SUPT3H: variants seen among roughly 807,000 people sequenced by gnomAD.
SUPT3H encodes the protein transcription initiation protein SPT3 homolog.
A neutral mutation model predicts 44.3 loss-of-function variants in SUPT3H; 44 were observed. The observed-to-expected ratio is 0.99, with a 90% CI of 0.78 to 1.28. The LOEUF (loss-of-function observed/expected upper bound fraction) is 1.28. Ranked by LOEUF, SUPT3H falls within the 50% of genes most tolerant of loss-of-function variation. The pLI is 0.00. For synonymous variants in SUPT3H, 124 were observed against 125.6 expected (o/e 0.99, Z 0.09); for missense variants, 380 against 387.1 (o/e 0.98, Z 0.15).
rs562542304 is a variant in SUPT3H at position 45,183,047 on chromosome 6, A to C, written c.102-77041T>G. ...AATGTTCACTGCAGCATTATTCACA[A>C]TAAATAGCCAAAAGGTGGCAACAAC... On this transcript the variant is annotated intron_variant, in intron 2 of 10. Transcript: ENST00000371459. Among the ~76,000 whole-genome samples, 10 of 152,358 alleles carry C rather than the reference A, an allele frequency of 6.6e-5. No homozygotes were observed. The South Asian group carries it at 1.9e-3, about 28-fold the overall frequency.
At chr6:45,215,347 GA>G (rs1229003994) in intron 2 of SUPT3H, among the ~76,000 whole-genome samples, 2 of 151,986 alleles carry the variant, frequency 1.3e-5, no homozygotes, top group Non-Finnish European at 2.9e-5. Flanking sequence ...AGACCCTAAT[GA>G]AAAAGATAAC....
rs1221521680 is a variant in SUPT3H, at chr6:44,975,726, GA to G, written c.505-13899del. On this transcript the variant is annotated intron_variant, in intron 6 of 10. Coordinates refer to ENST00000371459, the MANE Select transcript of SUPT3H (RefSeq NM_003599.4). ...CCACCTGTTCCTCAAACACTATTGG[GA>G]AAAAAATTGAAATGTCAATATACTT... Among the ~76,000 whole-genome samples, 3 of 151,786 alleles carry G rather than the reference GA, an allele frequency of 2.0e-5. No individual in the cohort carries two copies. In the South Asian group the frequency reaches 6.2e-4, roughly 32 times the overall value.
chr6:45,110,572 A>ATT (rs759437070), intron 2 of SUPT3H, among the ~76,000 whole-genome samples: 3,085 of 133,682 alleles, frequency 0.023, 58 homozygotes, highest in South Asian at 0.096. Flanking sequence ...CTTTTTTTAA[A>ATT]AAAAAAAAAG....
At chr6:45,054,849 G>A (rs928901704) in intron 3 of SUPT3H, among the ~76,000 whole-genome samples, 1 of 152,074 alleles carries the variant, frequency 6.6e-6, no homozygotes, top group African/African-American at 2.4e-5. Context: ...CTTTGAATGT[G>A]TGCCCTAATA....
At chr6:45,251,201 T>C (rs1331132875) in intron 2 of SUPT3H, 2 of 152,150 alleles carry the variant, frequency 1.3e-5, no homozygotes, top group Non-Finnish European at 2.9e-5. Flanking sequence ...ATAAAACCTA[T>C]TGTCAAATAA....
intron 2 of SUPT3H, among the ~76,000 whole-genome samples, chr6:45,171,122 G>C (rs932512355): frequency 2.0e-5 from 3 of 152,108 alleles, no homozygotes; most frequent in African/African-American, 7.2e-5. Flanking sequence ...TTAGCTACTG[G>C]TGTATTTTAA....
At chr6:45,271,945 T>C (rs1160023747) in intron 2 of SUPT3H, among the ~76,000 whole-genome samples, 1 of 152,194 alleles carries the variant, frequency 6.6e-6, no homozygotes, top group Non-Finnish European at 1.5e-5. Flanking sequence ...GCATTAAGAT[T>C]TGATGGCCCC....
intron 10 of SUPT3H, among the ~76,000 whole-genome samples, chr6:44,906,803 ATTGTT>A (rs1766172483): frequency 6.6e-6 from 1 of 152,126 alleles, no homozygotes; most frequent in Non-Finnish European, 1.5e-5. Context: ...CCCAGTCTGT[ATTGTT>A]TTATTATCTC....
chr6:45,002,415 T>G (rs1782126333), intron 6 of SUPT3H, among the ~76,000 whole-genome samples: 1 of 152,080 alleles, frequency 6.6e-6, no homozygotes, highest in Non-Finnish European at 1.5e-5. Context: ...TTACTAATGC[T>G]TTATGTATTA....
At chr6:45,247,131 T>A (rs1371950820) in intron 2 of SUPT3H, among the ~76,000 whole-genome samples, 1 of 152,188 alleles carries the variant, frequency 6.6e-6, no homozygotes, top group Admixed American at 6.5e-5. Flanking sequence ...TATAAGCAAA[T>A]CTCTGATAAT....
rs56246318 is a variant in SUPT3H at position 45,372,458 on chromosome 6, A to G, written c.-1+5310T>C. Among the ~76,000 whole-genome samples, 596 of 152,354 alleles carry G rather than the reference A, an allele frequency of 3.9e-3. 7 individuals are homozygous for G. The highest frequency in any genetic ancestry group is 0.014 in the African/African-American group (568 of 41,594). On this transcript the variant is annotated intron_variant, in intron 1 of 10. Transcript: ENST00000371459. ...GAGTAGACCTTTAAAGACTAATATGAATAAAGTGAAATATACAGAATTCAG... is the reference window on the plus strand; with the variant it reads ...GAGTAGACCTTTAAAGACTAATATGGATAAAGTGAAATATACAGAATTCAG...
At chr6:45,067,703 C>G (rs1288438951) in intron 3 of SUPT3H, among the ~76,000 whole-genome samples, 1 of 148,852 alleles carries the variant, frequency 6.7e-6, no homozygotes, top group South Asian at 2.1e-4. Flanking sequence ...CCAAGAAACA[C>G]ATGAAAAAAT....
chr6:45,369,636 A>G (rs1795717939), intron 1 of SUPT3H, among the ~76,000 whole-genome samples: 1 of 152,164 alleles, frequency 6.6e-6, no homozygotes, highest in Non-Finnish European at 1.5e-5. Flanking sequence ...ACTCTTATTT[A>G]AAGCCAACAC....
rs578118462 is a variant in SUPT3H at position 45,111,061 on chromosome 6, CT to C, written c.102-5056del. Reference sequence around the variant, plus strand: ...TTTTTTTTTTTTTTTGAGACAGAGTCTCACTCTGTCACCCAGGCTGGAGTGC... The same window carrying C: ...TTTTTTTTTTTTTTTGAGACAGAGTCCACTCTGTCACCCAGGCTGGAGTGC... On this transcript the variant is annotated intron_variant, in intron 2 of 10. Transcript: ENST00000371459. Among the ~76,000 whole-genome samples the C allele has an allele frequency of 4.9e-5, 7 of 143,914 alleles. No homozygotes were observed. In the East Asian group the frequency reaches 1.4e-3, roughly 30 times the overall value. 94.4% of individuals were successfully genotyped at this position (143,914 alleles called of 152,430 possible).
chr6:45,042,601 C>T (rs1402885880), intron 3 of SUPT3H, among the ~76,000 whole-genome samples: 9 of 152,114 alleles, frequency 5.9e-5, no homozygotes, highest in East Asian at 5.8e-4. Flanking sequence ...ATGTGCACAA[C>T]GTGCTGGAGA....
At chr6:44,960,092 T>C (rs956674022) in intron 7 of SUPT3H, among the ~76,000 whole-genome samples, 5 of 152,164 alleles carry the variant, frequency 3.3e-5, no homozygotes, top group African/African-American at 9.6e-5. Context: ...GTTTATACTA[T>C]AGTTATTTTA....
chr6:44,914,366 G>A (rs979318979), intron 10 of SUPT3H, among the ~76,000 whole-genome samples: 2 of 152,192 alleles, frequency 1.3e-5, no homozygotes, highest in Admixed American at 1.3e-4. Context: ...GCATTTATTA[G>A]CTCCAATTAT....
intron 10 of SUPT3H, among the ~76,000 whole-genome samples, chr6:44,862,386 A>AGGCCC (rs1774792465): frequency 6.6e-6 from 1 of 151,866 alleles, no homozygotes; most frequent in Non-Finnish European, 1.5e-5. Flanking sequence ...TTATAAAGAA[A>AGGCCC]TGATACAGGG....
At chr6:45,036,138 T>C (rs1787635692) in intron 3 of SUPT3H, among the ~76,000 whole-genome samples, 1 of 152,168 alleles carries the variant, frequency 6.6e-6, no homozygotes, top group Admixed American at 6.6e-5. Flanking sequence ...ATGAAGCTTA[T>C]CGTTTAGTGG....
Sources: gnomAD v4.1 joint callset for allele counts (sites outside exome capture counted in the v4.1 genomes callset) on GRCh38, gnomAD v4.1.1 for gene constraint, MANE v1.5 for transcripts, NCBI Gene and HGNC (gene_info 2026-07-23, HGNC 2026-07-21) for gene names.